Variants in ADCY2 observed in about 807,000 individuals in gnomAD.
ADCY2 encodes adenylate cyclase 2.
Under a neutral mutation model 125.2 loss-of-function variants are expected in ADCY2, and 31 were observed. That is an observed-to-expected ratio of 0.25 (90% CI 0.19 to 0.33). ADCY2 has a LOEUF of 0.33. ADCY2 is among the 10% of genes least tolerant of loss of function. The pLI, the probability that ADCY2 is intolerant of heterozygous loss-of-function variation, is 1.00. For synonymous variants in ADCY2, 512 were observed against 548.4 expected (o/e 0.93, Z 0.93); for missense variants, 904 against 1,418.2 (o/e 0.64, Z 5.82).
intron 7 of ADCY2, among the ~76,000 whole-genome samples, chr5:7,699,364 T>C (rs962538818): frequency 1.3e-5 from 2 of 151,966 alleles, no homozygotes; most frequent in African/African-American, 4.8e-5. Flanking sequence ...CCCAAAGTGC[T>C]GGGATTACAG....
At chr5:7,743,613 C>T (rs1424652036) in intron 14 of ADCY2, 55 bp from the exon 15 acceptor site, 2 of 1,531,288 alleles carry the variant, frequency 1.3e-6, no homozygotes, top group East Asian at 2.2e-5. Context: ...TGGTAGCTTT[C>T]CAGAATGAGA....
At chr5:7,548,462 G>A (rs1470070294) in intron 3 of ADCY2, among the ~76,000 whole-genome samples, 1 of 151,962 alleles carries the variant, frequency 6.6e-6, no homozygotes, top group Non-Finnish European at 1.5e-5. Flanking sequence ...AGAAATCATT[G>A]TAAGAGTAAA....
chr5:7,404,754 A>G (rs1432696512), intron 1 of ADCY2, among the ~76,000 whole-genome samples: 1 of 152,192 alleles, frequency 6.6e-6, no homozygotes, highest in African/African-American at 2.4e-5. Context: ...CTGAACCTGC[A>G]GTTTGGGCAC....
chr5:7,714,024 T>G (rs1406329665), intron 11 of ADCY2, among the ~76,000 whole-genome samples: 1 of 152,220 alleles, frequency 6.6e-6, no homozygotes, highest in African/African-American at 2.4e-5. Flanking sequence ...TAATTTGGAC[T>G]TCATGCAAAA....
intron 3 of ADCY2, among the ~76,000 whole-genome samples, chr5:7,578,954 C>T (rs765689308): frequency 2.6e-5 from 4 of 152,124 alleles, no homozygotes; most frequent in African/African-American, 7.2e-5. Context: ...ATGGACTCCA[C>T]GTAAGCCACT....
intron 2 of ADCY2, among the ~76,000 whole-genome samples, chr5:7,489,883 G>GA (rs1743095109): frequency 6.6e-6 from 1 of 152,164 alleles, no homozygotes; most frequent in South Asian, 2.1e-4. Flanking sequence ...GCTGTCCCGT[G>GA]ATGACTTAAG....
chr5:7,709,460 C>T lies in ADCY2; in HGVS notation c.1578+73C>T. ...CTTCCCAAAACCAAAGGCTGGGCAT[C>T]TCCTGCCAAAATAACTCCTTTCTGT... On this transcript the variant is annotated intron_variant, in intron 10 of 24. Coordinates refer to ENST00000338316, the MANE Select transcript of ADCY2 (RefSeq NM_020546.3). The surrounding 1 kb of genome is among the most constrained non-coding windows in gnomAD (Gnocchi z 4.4). 2.1e-6 allele frequency: 3 copies of T among 1,446,018 alleles called. No homozygotes were observed. The highest frequency in any genetic ancestry group is 2.7e-6 in the Non-Finnish European group (3 of 1,094,518). The allele number at this position is 1,446,018 out of a possible 1,614,324, so 89.6% of individuals were successfully genotyped here. A position where few individuals can be genotyped will look rare whatever the true frequency, so the allele number is the denominator to read the frequency against.
At chr5:7,669,931 T>C (rs538721114) in intron 4 of ADCY2, among the ~76,000 whole-genome samples, 1 of 152,296 alleles carries the variant, frequency 6.6e-6, no homozygotes, top group East Asian at 1.9e-4. Context: ...CAATGTGAGC[T>C]TAGGTCATGT....
In ADCY2 at chr5:7,772,955, G is replaced by A; in HGVS notation, c.2238G>A (p.Leu746=). 1 of 1,614,074 alleles carries A rather than the reference G, an allele frequency of 6.2e-7. No homozygotes were observed. Among genetic ancestry groups the A allele is most frequent in the East Asian group, 2.2e-5 (1 of 44,888 alleles). ...AGTACTTTATCTACAGCTGCATTCT[G>A]GGACTGATATCCTGTTCCGTGTTCC... ...FLPYFIYSCI[L]GLISCSVFLR... is the part of the protein sequence containing the mutation. Residue 746 remains leucine (L), a synonymous_variant, in exon 18 of 25, where the codon CTG becomes CTA. Transcript: ENST00000338316.
chr5:7,578,437 C>G (rs1370847506), intron 3 of ADCY2, among the ~76,000 whole-genome samples: 1 of 152,182 alleles, frequency 6.6e-6, no homozygotes, highest in Non-Finnish European at 1.5e-5. Flanking sequence ...TTTCCACACC[C>G]TGAAATATCT....
intron 7 of ADCY2, among the ~76,000 whole-genome samples, chr5:7,706,263 A>T (rs996381162): frequency 2.6e-5 from 4 of 152,240 alleles, no homozygotes; most frequent in African/African-American, 9.6e-5. Flanking sequence ...AAAAATTCTT[A>T]TGTAGGCTAA....
intron 3 of ADCY2, among the ~76,000 whole-genome samples, chr5:7,601,940 C>T (rs1338519667): frequency 1.3e-5 from 2 of 152,176 alleles, no homozygotes; most frequent in African/African-American, 2.4e-5. Context: ...TCAGCAGGGC[C>T]ATGTTCCCTC....
chr5:7,536,632 T>C (rs947251587), intron 3 of ADCY2, among the ~76,000 whole-genome samples: 1 of 152,238 alleles, frequency 6.6e-6, no homozygotes, highest in Non-Finnish European at 1.5e-5. Flanking sequence ...CTTGATCTTC[T>C]GTATATCAAA....
chr5:7,468,453 CTAAATGATAGA>C lies in ADCY2; in HGVS notation c.409-52283_409-52273del, dbSNP rs548492255. On this transcript the variant is annotated intron_variant, in intron 2 of 24. Transcript: ENST00000338316. ...GGCACATTTCTTATCAGTTTGAGAGCTAAATGATAGATCAAATATATTCATTTGTATTGCCA... is the reference window on the plus strand; with the variant it reads ...GGCACATTTCTTATCAGTTTGAGAGCTCAAATATATTCATTTGTATTGCCA... Among the ~76,000 whole-genome samples, 49 of 152,238 alleles carry C rather than the reference CTAAATGATAGA, an allele frequency of 3.2e-4. No homozygotes were observed. The South Asian group carries it at 7.1e-3, about 22-fold the overall frequency.
chr5:7,804,040 A>AGAGAGAGAGAGAGAGAGAGAGAGAG (rs1744682437), intron 21 of ADCY2, among the ~76,000 whole-genome samples: 3 of 106,586 alleles, frequency 2.8e-5, no homozygotes, highest in African/African-American at 7.4e-5. Context: ...GGAGGGGGGA[A>AGAGAGAGAGAGAGAGAGAGAGAGAG]AGAGAGAGAG....
At position 7,539,545 on chromosome 5, in the gene ADCY2, G is replaced by A. The variant is rs1734928963; in HGVS notation, c.570+18646G>A. ...CCAGATTCTGCATTTAGAACCCAGAGGATGCCTTAAAGTAATATTGGGTCT... is the reference window on the plus strand; with the variant it reads ...CCAGATTCTGCATTTAGAACCCAGAAGATGCCTTAAAGTAATATTGGGTCT... On this transcript the variant is annotated intron_variant, in intron 3 of 24. Transcript: ENST00000338316. 2.6e-5 allele frequency among the ~76,000 whole-genome samples: 4 copies of A among 152,224 alleles called. No homozygotes were observed. In the South Asian group the frequency reaches 8.3e-4, roughly 31 times the overall value.
chr5:7,685,863 T>C (rs1740505333), intron 4 of ADCY2, among the ~76,000 whole-genome samples: 1 of 152,196 alleles, frequency 6.6e-6, no homozygotes, highest in South Asian at 2.1e-4. Flanking sequence ...GTTTCCTAAG[T>C]ACATGGGTGA....
chr5:7,674,698 A>G lies in ADCY2; in HGVS notation c.721-15993A>G, dbSNP rs544014210. Among the ~76,000 whole-genome samples, 8 of 152,064 alleles carry G rather than the reference A, an allele frequency of 5.3e-5. No homozygotes were observed. In the East Asian group the frequency reaches 1.4e-3, roughly 26 times the overall value. On this transcript the variant is annotated intron_variant, in intron 4 of 24. Coordinates refer to ENST00000338316, the MANE Select transcript of ADCY2 (RefSeq NM_020546.3). The stretch of plus-strand genomic sequence containing the variant: ...TTGTCAGTTCTGAGCCACTGCTTGG[A>G]GGGGTGGGGAGGGTTAAAAGTCAAG...
intron 2 of ADCY2, among the ~76,000 whole-genome samples, chr5:7,485,188 G>T (rs1742878384): frequency 6.6e-6 from 1 of 152,160 alleles, no homozygotes; most frequent in Non-Finnish European, 1.5e-5. Flanking sequence ...AACTTGAATA[G>T]ATATGGCTAT....
Sources: gnomAD v4.1 joint callset for allele counts (sites outside exome capture counted in the v4.1 genomes callset) on GRCh38, gnomAD v4.1.1 for gene constraint, Gnocchi (gnomAD v3.1) non-coding constraint, MANE v1.5 for transcripts, NCBI Gene and HGNC (gene_info 2026-07-23, HGNC 2026-07-21) for gene names.